ERC2: variants seen among roughly 807,000 people sequenced by gnomAD.
ERC2 encodes the protein ELKS/RAB6-interacting/CAST family member 2.
In ERC2, 42 loss-of-function variants were observed where a neutral mutation model predicts 114.8. The ratio of observed to expected loss-of-function variants is 0.37; its 90% CI spans 0.29 to 0.47. The LOEUF (loss-of-function observed/expected upper bound fraction) is 0.47, where lower values mean the gene tolerates loss of function less well. Ranked by LOEUF, ERC2 falls within the 20% of genes least tolerant of loss-of-function variation. The pLI is 0.99. For missense variants in ERC2, 939 were observed against 1,150.7 expected, an observed-to-expected ratio of 0.82 and a Z score of 2.66; for synonymous variants, 454 against 425.5, an observed-to-expected ratio of 1.07 and a Z score of -0.82.
chr3:55,787,810 T>C (rs1304455550), intron 14 of ERC2, among the ~76,000 whole-genome samples: 1 of 152,188 alleles, frequency 6.6e-6, no homozygotes, highest in African/African-American at 2.4e-5. Context: ...CTCCAGAAGA[T>C]ATCATATCTC....
At chr3:56,259,503 T>C (rs2052763162) in intron 3 of ERC2, among the ~76,000 whole-genome samples, 1 of 152,018 alleles carries the variant, frequency 6.6e-6, no homozygotes, top group African/African-American at 2.4e-5. Context: ...AGTTTCCTTA[T>C]AAAAAACATT....
At chr3:56,304,904 C>G (rs1460803359) in intron 2 of ERC2, among the ~76,000 whole-genome samples, 2 of 151,900 alleles carry the variant, frequency 1.3e-5, no homozygotes, top group African/African-American at 4.8e-5. Flanking sequence ...AGAAGCATGC[C>G]CCTTAAAATG....
chr3:56,280,261 C>T (rs1037844178), intron 3 of ERC2, among the ~76,000 whole-genome samples: 1 of 152,184 alleles, frequency 6.6e-6, no homozygotes, highest in African/African-American at 2.4e-5. Context: ...AGAAGGAATG[C>T]AGGCCTGACA....
intron 17 of ERC2, among the ~76,000 whole-genome samples, chr3:55,650,384 A>T (rs2060567266): frequency 6.6e-6 from 1 of 152,108 alleles, no homozygotes; most frequent in Admixed American, 6.5e-5. Flanking sequence ...TCACTTGATG[A>T]TCACCACCCT....
chr3:56,290,467 T>C (rs1006540277), intron 3 of ERC2, among the ~76,000 whole-genome samples: 5 of 152,238 alleles, frequency 3.3e-5, no homozygotes, highest in Non-Finnish European at 5.9e-5. Context: ...ATCGTGTATA[T>C]AAAATGTTAT....
chr3:55,798,884 A>C (rs1234797940), intron 14 of ERC2, among the ~76,000 whole-genome samples: 1 of 120,784 alleles, frequency 8.3e-6, no homozygotes, highest in East Asian at 2.3e-4. Flanking sequence ...AAGGTATGGT[A>C]AACCAAGAAC....
intron 5 of ERC2, among the ~76,000 whole-genome samples, chr3:56,147,749 T>A (rs910722871): frequency 6.6e-6 from 1 of 152,138 alleles, no homozygotes; most frequent in African/African-American, 2.4e-5. Flanking sequence ...GAAAACAAAT[T>A]TTTTTAATTG....
chr3:55,818,744 A>G (rs893651594), intron 14 of ERC2, among the ~76,000 whole-genome samples: 3 of 152,238 alleles, frequency 2.0e-5, no homozygotes, highest in Non-Finnish European at 2.9e-5. Flanking sequence ...AGCATTCACC[A>G]ATTGTTAGAA....
chr3:56,126,278 T>A (rs550785587), intron 6 of ERC2, among the ~76,000 whole-genome samples: 1 of 152,224 alleles, frequency 6.6e-6, no homozygotes, highest in Non-Finnish European at 1.5e-5. Flanking sequence ...GAATTTCCCA[T>A]GATGGGGAGC....
At chr3:55,746,986 T>C (rs553530890) in intron 14 of ERC2, among the ~76,000 whole-genome samples, 1 of 152,330 alleles carries the variant, frequency 6.6e-6, no homozygotes, top group Non-Finnish European at 1.5e-5. Flanking sequence ...GAAGTCTGGA[T>C]TTTAGGTCTG....
intron 7 of ERC2, among the ~76,000 whole-genome samples, chr3:56,027,988 G>A (rs1255130948): frequency 2.0e-5 from 3 of 152,078 alleles, no homozygotes; most frequent in Non-Finnish European, 1.5e-5. Context: ...TGAAGTTTAG[G>A]TCAATGTTCA....
chr3:56,273,460 G>A (rs1482469296), intron 3 of ERC2, among the ~76,000 whole-genome samples: 2 of 151,736 alleles, frequency 1.3e-5, no homozygotes, highest in African/African-American at 4.8e-5. Context: ...GCCCAGGCTG[G>A]TCTCAAACTC....
At chr3:56,431,085 A>G (rs1477804112) in intron 2 of ERC2, among the ~76,000 whole-genome samples, 1 of 152,242 alleles carries the variant, frequency 6.6e-6, no homozygotes, top group Non-Finnish European at 1.5e-5. Flanking sequence ...CCTACCTCAG[A>G]TGACTGATGA....
intron 17 of ERC2, among the ~76,000 whole-genome samples, chr3:55,566,123 C>T (rs1296759666): frequency 6.6e-6 from 1 of 152,178 alleles, no homozygotes; most frequent in Non-Finnish European, 1.5e-5. Context: ...TATGGTATAT[C>T]AAGAGCATCT....
intron 13 of ERC2, among the ~76,000 whole-genome samples, chr3:55,903,149 G>C (rs2149348629): frequency 6.6e-6 from 1 of 152,234 alleles, no homozygotes; most frequent in Middle Eastern, 3.4e-3. Flanking sequence ...CCTGTATCAT[G>C]CTTTGGAAAT....
intron 17 of ERC2, among the ~76,000 whole-genome samples, chr3:55,621,154 G>GCCCC (rs1253498923): frequency 1.3e-4 from 19 of 151,106 alleles, no homozygotes; most frequent in African/African-American, 4.7e-4. Context: ...GACTCTAACT[G>GCCCC]CCCCCCCTCC....
At chr3:55,921,103 G>GTT (rs1392923793) in intron 13 of ERC2, among the ~76,000 whole-genome samples, 1 of 152,094 alleles carries the variant, frequency 6.6e-6, no homozygotes, top group Non-Finnish European at 1.5e-5. Flanking sequence ...CTGTGAATGT[G>GTT]TTTGTGCAAT....
chr3:55,576,250 A>C (rs1392384484), intron 17 of ERC2, among the ~76,000 whole-genome samples: 1 of 151,962 alleles, frequency 6.6e-6, no homozygotes, highest in Admixed American at 6.6e-5. Context: ...TAGAGATTGC[A>C]GTGAGCTGAG....
At chr3:56,314,640 A>G (rs1481900342) in intron 2 of ERC2, among the ~76,000 whole-genome samples, 2 of 152,160 alleles carry the variant, frequency 1.3e-5, no homozygotes, top group Non-Finnish European at 2.9e-5. Context: ...AAAATAGCAC[A>G]TAAAAAAAAA....
Sources: allele counts gnomAD v4.1 joint callset (sites outside exome capture counted in the v4.1 genomes callset), GRCh38; gene constraint gnomAD v4.1.1; transcripts MANE v1.5; gene names NCBI Gene and HGNC (gene_info 2026-07-23, HGNC 2026-07-21).